RFC1: variants seen among roughly 807,000 people sequenced by gnomAD.
The protein encoded by RFC1 is replication factor C subunit 1.
RFC1 carries 37 observed loss-of-function variants against 137.4 expected under a neutral mutation model. The ratio of observed to expected loss-of-function variants is 0.27; its 90% CI spans 0.21 to 0.35. The LOEUF is 0.35. RFC1 is among the 10% of genes least tolerant of loss of function. The pLI is 1.00. For synonymous variants in RFC1, 429 were observed against 455.7 expected (o/e 0.94, Z 0.75); for missense variants, 1,205 against 1,358.5 (o/e 0.89, Z 1.78).
At position 39,300,271 on chromosome 4, in the gene RFC1, A is replaced by G. The variant is rs1738278106; in HGVS notation, c.2679T>C (p.Pro893=). The G allele has an allele frequency of 6.2e-7, 1 of 1,614,148 alleles. No individual in the cohort carries two copies. The highest frequency in any genetic ancestry group is 8.5e-7 in the Non-Finnish European group (1 of 1,179,998). ...CTCTGGACACTCACCCTGCTGCTACAGGCTTCACGTGTATGTAATTTTCCT... is the reference window on the plus strand; with the variant it reads ...CTCTGGACACTCACCCTGCTGCTACGGGCTTCACGTGTATGTAATTTTCCT... ...FVQENYIHVK[P]VAAGGDMKKH... The change falls in exon 20 of 25, where the codon CCT becomes CCC. Residue 893 remains proline (P), a synonymous_variant. Coordinates refer to ENST00000349703, the MANE Select transcript of RFC1 (RefSeq NM_002913.5).
chr4:39,333,141 T>C (rs1740185097), intron 4 of RFC1, among the ~76,000 whole-genome samples: 1 of 152,242 alleles, frequency 6.6e-6, no homozygotes, highest in Admixed American at 6.5e-5. Flanking sequence ...TTCACTGCGA[T>C]CTTCTGTAAA....
intron 3 of RFC1, among the ~76,000 whole-genome samples, chr4:39,343,151 T>C (rs1740687822): frequency 6.6e-6 from 1 of 152,140 alleles, no homozygotes; most frequent in African/African-American, 2.4e-5. Context: ...GACTCCTGAG[T>C]AGCTGGGACT....
At chr4:39,321,503 A>G in intron 7 of RFC1, 129 bp from the exon 8 acceptor site, 1 of 704,146 alleles carries the variant, frequency 1.4e-6, no homozygotes, top group Non-Finnish European at 2.3e-6. Context: ...ATAAACTGTC[A>G]TTCATTCATC....
In RFC1 at chr4:39,312,878, C is replaced by T; in HGVS notation, c.1257G>A (p.Glu419=). The change falls in exon 11 of 25, where the codon GAG becomes GAA. Residue 419 remains glutamate (E), a synonymous_variant. Coordinates refer to ENST00000349703, the MANE Select transcript of RFC1 (RefSeq NM_002913.5). ...GLIFVITGVL[E]SIERDEAKSL... is the part of the protein sequence containing the mutation. ...ACTTGGCCTCATCTCGTTCAATAGACTCCAGCACGCCTGTGATTACAAATA... is the reference window on the plus strand; with the variant it reads ...ACTTGGCCTCATCTCGTTCAATAGATTCCAGCACGCCTGTGATTACAAATA... The T allele has an allele frequency of 6.2e-7, 1 of 1,614,102 alleles. No homozygotes were observed.
chr4:39,364,038 C>T (rs796475486), intron 1 of RFC1, among the ~76,000 whole-genome samples: 4 of 145,566 alleles, frequency 2.7e-5, no homozygotes, highest in African/African-American at 1.0e-4. Context: ...TATCATCACA[C>T]CACTGCACTC....
intron 1 of RFC1, among the ~76,000 whole-genome samples, chr4:39,353,379 G>A (rs6815944): frequency 0.096 from 9,337 of 97,644 alleles, 1,113 homozygotes; most frequent in African/African-American, 0.31. Context: ...CAGCCTGGGC[G>A]ACAGAACGAG....
intron 8 of RFC1, among the ~76,000 whole-genome samples, chr4:39,320,945 A>G (rs1310648947): frequency 1.3e-5 from 2 of 152,202 alleles, no homozygotes; most frequent in African/African-American, 4.8e-5. Context: ...CTGGCCAACT[A>G]TGAGTCAACT....
intron 4 of RFC1, among the ~76,000 whole-genome samples, chr4:39,337,468 GT>G (rs1740414279): frequency 1.4e-5 from 2 of 145,922 alleles, no homozygotes; most frequent in African/African-American, 5.5e-5. Context: ...GTGTGTGTGT[GT>G]GTGTAACATT....
intron 4 of RFC1, chr4:39,341,605 C>G (rs754588019): frequency 2.2e-6 from 1 of 456,074 alleles, no homozygotes; most frequent in Non-Finnish European, 4.4e-6. Flanking sequence ...CTCAATGTGT[C>G]AGGCACTGGG....
At chr4:39,337,498 T>C (rs1184792408) in intron 4 of RFC1, among the ~76,000 whole-genome samples, 1 of 150,968 alleles carries the variant, frequency 6.6e-6, no homozygotes, top group Non-Finnish European at 1.5e-5. Context: ...TAATTTAAAA[T>C]TATTAATTTA....
intron 21 of RFC1, among the ~76,000 whole-genome samples, chr4:39,299,536 C>A (rs745980665): frequency 2.0e-5 from 3 of 150,312 alleles, no homozygotes; most frequent in Non-Finnish European, 3.0e-5. Flanking sequence ...TGGCATGAAC[C>A]CAGGAGGCGG....
intron 1 of RFC1, among the ~76,000 whole-genome samples, chr4:39,357,633 T>C (rs1741542458): frequency 6.6e-6 from 1 of 151,744 alleles, no homozygotes; most frequent in Admixed American, 6.6e-5. Flanking sequence ...TTTTTTTCCC[T>C]TGAGACAGAG....
chr4:39,324,149 G>A (rs1428207696), intron 6 of RFC1, among the ~76,000 whole-genome samples: 4 of 151,928 alleles, frequency 2.6e-5, no homozygotes, highest in African/African-American at 9.7e-5. Flanking sequence ...ATGGCCTTAC[G>A]TGATATTCAA....
At chr4:39,354,448 T>C (rs1021365657) in intron 1 of RFC1, among the ~76,000 whole-genome samples, 2 of 152,180 alleles carry the variant, frequency 1.3e-5, no homozygotes. Context: ...AACACTTCTC[T>C]TGCCTGCACA....
chr4:39,358,782 T>A (rs1273991982), intron 1 of RFC1, among the ~76,000 whole-genome samples: 1 of 151,806 alleles, frequency 6.6e-6, no homozygotes, highest in Non-Finnish European at 1.5e-5. Context: ...ATGTTAGGGG[T>A]TTTCCCCTAA....
chr4:39,311,157 G>A (rs1738944187), intron 12 of RFC1, among the ~76,000 whole-genome samples: 1 of 151,992 alleles, frequency 6.6e-6, no homozygotes, highest in Non-Finnish European at 1.5e-5. Flanking sequence ...TTAAAAAATA[G>A]TAGTAATAAT....
In RFC1 at chr4:39,300,186, T is replaced by C. The variant is rs780934138; in HGVS notation, c.2691-48A>G. The C allele has an allele frequency of 5.0e-5, 80 of 1,609,330 alleles. 1 individual carries two copies. The South Asian group carries it at 7.8e-4, about 16-fold the overall frequency. ...ATTATCCCACTCTCCACACCCCAGG[T>C]CCCTTCTTCACGGGTATTTAGCCTT... On this transcript the variant is annotated intron_variant, in intron 20 of 24. Coordinates refer to ENST00000349703, the MANE Select transcript of RFC1 (RefSeq NM_002913.5).
Position 39,289,997 on chromosome 4 carries a change from G to C in RFC1, c.3211C>G (p.Leu1071Val), listed in dbSNP as rs753359174. ...FTRAYNKEAH[L>V]TPYSLQAIKA... Reference sequence around the variant, plus strand: ...ATAGCTTGAAGTGAGTATGGAGTAAGGTGGGCTTCCTTATTGTAAGCTCTT... The same window carrying C: ...ATAGCTTGAAGTGAGTATGGAGTAACGTGGGCTTCCTTATTGTAAGCTCTT... The change falls in exon 24 of 25, where the codon CTT (leucine) becomes GTT (valine). Residue 1071 changes from leucine to valine, a missense_variant. This residue lies in a region of RFC1 where 237 missense variants were observed against 304.2 expected (regional missense o/e 0.78). Coordinates refer to ENST00000349703, the MANE Select transcript of RFC1 (RefSeq NM_002913.5). The C allele has an allele frequency of 6.2e-6, 10 of 1,613,614 alleles. No homozygotes were observed. In the Admixed American group the frequency reaches 1.3e-4, roughly 22 times the overall value.
intron 14 of RFC1, 72 bp downstream of exon 14, chr4:39,306,520 G>A (rs577483132): frequency 2.5e-6 from 2 of 784,908 alleles, no homozygotes; most frequent in South Asian, 2.9e-5. Flanking sequence ...ACAGATGTGG[G>A]TACACACTTT....
Sources: allele counts gnomAD v4.1 joint callset (sites outside exome capture counted in the v4.1 genomes callset), GRCh38; gene constraint gnomAD v4.1.1; regional missense constraint gnomAD v4.1.1; transcripts MANE v1.5; gene names NCBI Gene and HGNC (gene_info 2026-07-23, HGNC 2026-07-21).